The following MEG3 variants were observed in gnomAD, a reference collection of about 807,000 sequenced individuals.
MEG3 encodes the protein maternally expressed 3, also known as Very putative protein from MEG3 locus.
intron 2 of MEG3, among the ~76,000 whole-genome samples, chr14:100,841,639 G>A (rs761774492): frequency 1.5e-5 from 2 of 129,086 alleles, no homozygotes; most frequent in Non-Finnish European, 3.3e-5. Context: ...CTGTGTGGTC[G>A]GGGGGGGTCA....
downstream of MEG3, chr14:100,832,874 A>G (rs1430159915): frequency 6.6e-6 from 1 of 152,296 alleles, no homozygotes; most frequent in Non-Finnish European, 1.5e-5. Flanking sequence ...GCAAATGGCC[A>G]GAGCATTCAT....
At chr14:100,854,701 C>G (rs2140003909), upstream of MEG3, 1 of 152,702 alleles carries the variant, frequency 6.5e-6, no homozygotes, top group African/African-American at 2.4e-5. Flanking sequence ...CAGTTAGTGG[C>G]CTTCCCACCA....
chr14:100,842,158 T>G (rs2037779577), intron 2 of MEG3, among the ~76,000 whole-genome samples: 1 of 152,192 alleles, frequency 6.6e-6, no homozygotes, highest in Non-Finnish European at 1.5e-5. Context: ...TTTGTGACCT[T>G]GGTTGCTACA....
chr14:100,857,703 A>G, exon 1 of MEG3: 1 of 152,190 alleles, frequency 6.6e-6, no homozygotes, highest in African/African-American at 2.4e-5. Context: ...AGCGGGTTGT[A>G]GCTGGCAGGG....
chr14:100,828,423 C>T (rs1404390100), intron 1 of MEG3, among the ~76,000 whole-genome samples: 2 of 146,922 alleles, frequency 1.4e-5, no homozygotes, highest in African/African-American at 2.5e-5. Context: ...TTTTTCTTCT[C>T]CCTCCTCCCT....
Position 100,834,780 on chromosome 14 carries a change from C to T in MEG3, n.1812C>T, listed in dbSNP as rs114279456. 385 of 456,702 alleles carry T rather than the reference C, an allele frequency of 8.4e-4. 1 individual carries two copies. The highest frequency in any genetic ancestry group is 7.4e-3 in the African/African-American group (370 of 50,194). 28.3% of individuals were successfully genotyped at this position (456,702 alleles called of 1,614,324 possible). A position where few individuals can be genotyped will look rare whatever the true frequency, so the allele number is the denominator to read the frequency against. ...AGTGAATGAAAGGACTCGACCACCA[C>T]AGCTGAGCCACTAGCTGGGCCATGC... On this transcript the variant is annotated non_coding_transcript_exon_variant, in exon 1 of 4. Coordinates refer to the MEG3 transcript ENST00000398461.
chr14:100,842,389 G>A (rs2037786479), intron 2 of MEG3, among the ~76,000 whole-genome samples: 1 of 152,138 alleles, frequency 6.6e-6, no homozygotes. Flanking sequence ...AAAATTAGAG[G>A]GCTGATGGGG....
rs2038274022 is a variant in MEG3, at chr14:100,857,392, GGT to G, written n.153_154del. ...AGGGCTGTTGTGAGGGCCGAGGGTG[GGT>G]GTGTTTCAACAGTGTGCAGATGCTG... is the stretch of plus-strand genomic sequence containing the variant. On this transcript the variant is annotated non_coding_transcript_exon_variant, in exon 1 of 2. Coordinates refer to the MEG3 transcript ENST00000398460. The G allele has an allele frequency of 2.0e-5, 3 of 152,168 alleles. 1 individual carries two copies. The highest frequency in any genetic ancestry group is 4.4e-5 in the Non-Finnish European group (3 of 68,050). The allele number at this position is 152,168 out of a possible 1,614,324, so 9.4% of individuals were successfully genotyped here.
exon 2 of MEG3, chr14:100,860,962 C>T (rs1595316848): frequency 9.4e-6 from 3 of 320,122 alleles, no homozygotes; most frequent in East Asian, 9.9e-5. Flanking sequence ...GATGCGGTTC[C>T]AAAGCACAGG....
At chr14:100,834,916 C>A in exon 1 of MEG3, 1 of 418,048 alleles carries the variant, frequency 2.4e-6, no homozygotes, top group Non-Finnish European at 4.8e-6. Flanking sequence ...CGCGTCCCTG[C>A]ATTCACCCGC....
Position 100,837,821 on chromosome 14 carries a change from C to T in MEG3, n.3045+1521C>T, listed in dbSNP as rs1398316090. Reference sequence around the variant, plus strand: ...ATTATTTTTAAACAAAATCTGGCAGCGTAGGCAGAGGGGGCAGAGGCGCTC... The same window carrying T: ...ATTATTTTTAAACAAAATCTGGCAGTGTAGGCAGAGGGGGCAGAGGCGCTC... On this transcript the variant is annotated intron_variant and non_coding_transcript_variant, in intron 2 of 3. Transcript: ENST00000398461. The surrounding 1 kb of genome is among the most constrained non-coding windows in gnomAD (Gnocchi z 5.8). 1.3e-5 allele frequency among the ~76,000 whole-genome samples: 2 copies of T among 152,094 alleles called. No homozygotes were observed. The highest frequency in any genetic ancestry group is 2.9e-5 in the Non-Finnish European group (2 of 68,034).
intron 2 of MEG3, among the ~76,000 whole-genome samples, chr14:100,840,380 C>T (rs778022583): frequency 6.6e-6 from 1 of 151,932 alleles, no homozygotes; most frequent in African/African-American, 2.4e-5. Context: ...AAGGCTCAGG[C>T]CGAGAGGAAT....
At chr14:100,849,696 C>T (rs1053046477) in intron 3 of MEG3, 2 of 152,084 alleles carry the variant, frequency 1.3e-5, no homozygotes, top group African/African-American at 4.8e-5. Flanking sequence ...TAGGATTAGT[C>T]ATAAGACTGT....
In MEG3 at chr14:100,844,767, T is replaced by C. The variant is rs556857543; in HGVS notation, n.3046-691T>C. 2.6e-5 allele frequency among the ~76,000 whole-genome samples: 4 copies of C among 152,312 alleles called. No individual in the cohort carries two copies. The South Asian group carries it at 8.3e-4, about 32-fold the overall frequency. Reference sequence around the variant, plus strand: ...CTTAAAGCTTAACATTTTGGGAGTATTCTGAACTATGTTTGGCCCAGCCTG... The same window carrying C: ...CTTAAAGCTTAACATTTTGGGAGTACTCTGAACTATGTTTGGCCCAGCCTG... On this transcript the variant is annotated intron_variant and non_coding_transcript_variant, in intron 2 of 3. Transcript: ENST00000398461.
upstream of MEG3, chr14:100,855,597 G>A (rs1360922331): frequency 6.6e-6 from 1 of 152,242 alleles, no homozygotes; most frequent in Non-Finnish European, 1.5e-5. Context: ...CAGCCTTTCA[G>A]CTTCCTCCAC....
chr14:100,845,411 G>T lies in MEG3; in HGVS notation n.3046-47G>T, dbSNP rs532673044. 1 of 445,380 alleles carries T rather than the reference G, an allele frequency of 2.2e-6. No homozygotes were observed. Among genetic ancestry groups the T allele is most frequent in the Non-Finnish European group, 4.5e-6 (1 of 221,042 alleles). 27.6% of individuals were successfully genotyped at this position (445,380 alleles called of 1,614,324 possible). A position where few individuals can be genotyped will look rare whatever the true frequency, so the allele number is the denominator to read the frequency against. ...CTCATCCGCCCTCCTCCTCCTCGCC[G>T]GCCTGAGTGAGGTTCTACTCTGTGA... On this transcript the variant is annotated intron_variant and non_coding_transcript_variant, in intron 2 of 3. Coordinates refer to the MEG3 transcript ENST00000398461. This position sits in a 1 kb window ranked among gnomAD's most constrained non-coding sequence, Gnocchi z 5.2.
At position 100,837,631 on chromosome 14, in the gene MEG3, A is replaced by C. The variant is rs1427212154; in HGVS notation, n.3045+1331A>C. 6.6e-6 allele frequency among the ~76,000 whole-genome samples: 1 copy of C among 152,048 alleles called. No homozygotes were observed. Among genetic ancestry groups the C allele is most frequent in the Non-Finnish European group, 1.5e-5 (1 of 67,998 alleles). On this transcript the variant is annotated intron_variant and non_coding_transcript_variant, in intron 2 of 3. Coordinates refer to the MEG3 transcript ENST00000398461. This position sits in a 1 kb window ranked among gnomAD's most constrained non-coding sequence, Gnocchi z 5.8. ...CAGCCTCTAGTCCTCAGCCATGTGCACGCATCAGCCCTTGTGCAGGCCTCC... is the reference window on the plus strand; with the variant it reads ...CAGCCTCTAGTCCTCAGCCATGTGCCCGCATCAGCCCTTGTGCAGGCCTCC...
At chr14:100,846,135 A>G (rs1363906633) in intron 3 of MEG3, 1 of 152,232 alleles carries the variant, frequency 6.6e-6, no homozygotes, top group Non-Finnish European at 1.5e-5. Flanking sequence ...TTGCCTTGAA[A>G]GGCCAAAATA....
At chr14:100,844,497 T>A (rs1434152255) in intron 2 of MEG3, among the ~76,000 whole-genome samples, 1 of 152,192 alleles carries the variant, frequency 6.6e-6, no homozygotes, top group East Asian at 1.9e-4. Flanking sequence ...TAGTTTTCAG[T>A]TTACAGAAAC....
Sources: allele counts gnomAD v4.1 joint callset (sites outside exome capture counted in the v4.1 genomes callset), GRCh38; gene constraint gnomAD v4.1.1; non-coding constraint Gnocchi (gnomAD v3.1); transcripts MANE v1.5; gene names NCBI Gene and HGNC (gene_info 2026-07-23, HGNC 2026-07-21).